COL27A1: variants seen among roughly 807,000 people sequenced by gnomAD.
COL27A1 encodes collagen alpha-1(XXVII) chain.
COL27A1 carries 106 observed loss-of-function variants against 251.3 expected under a neutral mutation model. The ratio of observed to expected loss-of-function variants is 0.42; its 90% confidence interval spans 0.36 to 0.50. The LOEUF is 0.50. COL27A1 is among the 20% of genes least tolerant of loss of function. The probability of loss-of-function intolerance (pLI) is 0.00; values close to 1 mark genes in which losing one functional copy is unlikely to be tolerated. For missense variants in COL27A1, 2,325 were observed against 2,522.8 expected (o/e 0.92, Z 1.68); for synonymous variants, 1,000 against 986.3 (o/e 1.01, Z -0.26).
At chr9:114,232,007 C>T in intron 16 of COL27A1, 141 bp downstream of exon 16, 2 of 807,826 alleles carry the variant, frequency 2.5e-6, no homozygotes, top group Admixed American at 3.9e-5. Context: ...TAAATCTGTG[C>T]TCCCTAGCTT....
At chr9:114,280,492 C>T (rs1282028460) in intron 37 of COL27A1, among the ~76,000 whole-genome samples, 4 of 152,176 alleles carry the variant, frequency 2.6e-5, no homozygotes, top group South Asian at 2.1e-4. Flanking sequence ...CATGAGCCAC[C>T]GTGTCCAGCC....
chr9:114,194,418 C>T lies in COL27A1; in HGVS notation c.2031C>T (p.Asp677=), dbSNP rs375942807. 1.7e-4 allele frequency: 273 copies of T among 1,612,874 alleles called. No homozygotes were observed. Among genetic ancestry groups the T allele is most frequent in the Non-Finnish European group, 2.3e-4 (267 of 1,179,574 alleles). Residue 677 remains aspartate (D), a synonymous_variant, in exon 6 of 61, where the codon GAC becomes GAT. Transcript: ENST00000356083. The part of the protein sequence containing the change: ...GPPGAKGQKG[D]PGLSPGKAHD... ...TTTTGTTTCAGGGACAGAAAGGGGA[C>T]CCAGGGCTCTCACCAGGAAAGGCCC...
At chr9:114,234,370 C>CTTAG (rs1354974445) in intron 16 of COL27A1, among the ~76,000 whole-genome samples, 1 of 152,044 alleles carries the variant, frequency 6.6e-6, no homozygotes, top group Non-Finnish European at 1.5e-5. Flanking sequence ...AGGTCATGGC[C>CTTAG]TTAGCCATGT....
chr9:114,160,401 T>C (rs2808791), intron 1 of COL27A1, among the ~76,000 whole-genome samples: 84,445 of 151,400 alleles, frequency 0.56, 23,734 homozygotes, highest in Admixed American at 0.63. Flanking sequence ...ATGATCCGCC[T>C]GCCTCGGCCT....
Position 114,168,368 on chromosome 9 carries a change from C to G in COL27A1, c.813C>G (p.Asn271Lys). The G allele has an allele frequency of 6.2e-7, 1 of 1,613,456 alleles. No individual in the cohort carries two copies. The highest frequency in any genetic ancestry group is 8.5e-7 in the Non-Finnish European group (1 of 1,179,992). The change falls in exon 3 of 61, where the codon AAC becomes AAG. Residue 271 changes from asparagine to lysine, a missense_variant. Transcript: ENST00000356083. ...QSDLALLGLENLTTATPALGS... is the reference protein window; with the variant it reads ...QSDLALLGLEKLTTATPALGS... ...ACCTCGCCCTGCTAGGCCTGGAGAA[C>G]TTGACCACTGCCACACCAGCCCTGG...
intron 13 of COL27A1, among the ~76,000 whole-genome samples, chr9:114,221,789 C>G (rs1215576863): frequency 6.6e-6 from 1 of 152,206 alleles, no homozygotes; most frequent in Admixed American, 6.5e-5. Flanking sequence ...GGGAAGGAGG[C>G]TGGCTTAGAG....
Position 114,178,338 on chromosome 9 carries a change from G to C in COL27A1, c.1956G>C (p.Gly652=). Residue 652 remains glycine (G), a synonymous_variant, in exon 4 of 61, where the codon GGG becomes GGC. Transcript: ENST00000356083. ...TACCTGGAATCCCTGGTGCACGTGG[G>C]CCTCGGGTGAGTTATCTCACACTGT... ...PGLPGIPGAR[G]PRGPPGPYGN... 1 of 1,613,944 alleles carries C rather than the reference G, an allele frequency of 6.2e-7. No homozygotes were observed. Among genetic ancestry groups the C allele is most frequent in the South Asian group, 1.1e-5 (1 of 91,056 alleles).
chr9:114,168,787 C>G lies in COL27A1; in HGVS notation c.1232C>G (p.Ser411Cys). The G allele has an allele frequency of 6.2e-7, 1 of 1,614,092 alleles. No homozygotes were observed. The highest frequency in any genetic ancestry group is 8.5e-7 in the Non-Finnish European group (1 of 1,180,042). The change falls in exon 3 of 61, where the codon TCC becomes TGC. Residue 411 changes from serine (S) to cysteine (C), a missense_variant. Ser to Cys is a moderately radical substitution (Grantham distance 112). This residue lies in a region of COL27A1 where 1,183 missense variants were observed against 1,144.1 expected (regional missense o/e 1.03). Coordinates refer to ENST00000356083, the MANE Select transcript of COL27A1 (RefSeq NM_032888.4). ...ACTCAGAAGCAAGTGCCACCTACTTCCCGTCCAGTTCCTGCCAGAGTCTCC... is the reference window on the plus strand; with the variant it reads ...ACTCAGAAGCAAGTGCCACCTACTTGCCGTCCAGTTCCTGCCAGAGTCTCC... ...LPTQKQVPPT[S>C]RPVPARVSRP...
At chr9:114,216,088 C>T (rs1004673420) in intron 12 of COL27A1, among the ~76,000 whole-genome samples, 1 of 152,326 alleles carries the variant, frequency 6.6e-6, no homozygotes, top group Admixed American at 6.5e-5. Flanking sequence ...TGGCGAGGAC[C>T]GTCCCTGTCC....
Position 114,206,109 on chromosome 9 carries a change from T to A in COL27A1, c.2224-143T>A, listed in dbSNP as rs1016257067. ...CCCTGGGATCCTAGGGCTGTGGGGG[T>A]CAGGCCAAAGATCGCTGATCTAACC... On this transcript the variant is annotated intron_variant, in intron 9 of 60. Coordinates refer to ENST00000356083, the MANE Select transcript of COL27A1 (RefSeq NM_032888.4). The A allele has an allele frequency of 9.8e-6, 8 of 814,936 alleles. No individual in the cohort carries two copies. The Admixed American group carries it at 1.7e-4, about 17-fold the overall frequency. The allele number at this position is 814,936 out of a possible 1,614,324, so 50.5% of individuals were successfully genotyped here.
Position 114,290,395 on chromosome 9 carries a change from C to G in COL27A1, c.4368+64C>G. On this transcript the variant is annotated intron_variant, in intron 47 of 60. Transcript: ENST00000356083. The surrounding 1 kb of genome is among the most constrained non-coding windows in gnomAD (Gnocchi z 4.6). ...TGGGACCAGGTGTAGGGGAACTTCC[C>G]CAGGCCATGGGCCAGAGGAGCCCGT... 7.2e-7 allele frequency: 1 copy of G among 1,398,460 alleles called. No homozygotes were observed. Among genetic ancestry groups the G allele is most frequent in the Non-Finnish European group, 9.9e-7 (1 of 1,008,688 alleles). The allele number at this position is 1,398,460 out of a possible 1,614,324, so 86.6% of individuals were successfully genotyped here.
At chr9:114,211,990 C>T (rs1037696044) in intron 12 of COL27A1, among the ~76,000 whole-genome samples, 2 of 152,170 alleles carry the variant, frequency 1.3e-5, no homozygotes, top group Admixed American at 6.5e-5. Context: ...CTGGAGCATT[C>T]GAGAGTGCTC....
In COL27A1 at chr9:114,310,688, T is replaced by TCCTCTGA. The variant is rs1829387123; in HGVS notation, c.*5_*11dup. On this transcript the variant is annotated stop_gained and frameshift_variant, in exon 61 of 61. Transcript: ENST00000356083. LOFTEE classifies it high-confidence loss of function. ...CGCCTGGAAGTTGGACCTGCGTGCT[T>TCCTCTGA]CCTCTGACCTCTGACCTCGTGGCCA... 1 of 1,614,112 alleles carries TCCTCTGA rather than the reference T, an allele frequency of 6.2e-7. No homozygotes were observed. The highest frequency in any genetic ancestry group is 1.3e-5 in the African/African-American group (1 of 75,024).
chr9:114,179,816 C>T (rs1827750412), intron 4 of COL27A1, among the ~76,000 whole-genome samples: 1 of 151,124 alleles, frequency 6.6e-6, no homozygotes, highest in African/African-American at 2.4e-5. Context: ...GGCAGTCTGC[C>T]TCCAGAGCCT....
At position 114,169,447 on chromosome 9, in the gene COL27A1, G is replaced by A; in HGVS notation, c.1892G>A (p.Gly631Glu). 1 of 1,541,644 alleles carries A rather than the reference G, an allele frequency of 6.5e-7. No homozygotes were observed. ...PLLMGPPGPK[G>E]DCGLPGPPGL... Reference sequence around the variant, plus strand: ...CTGATGGGGCCTCCGGGACCCAAGGGAGACTGTGGCTTGCCGGTAAGACTG... The same window carrying A: ...CTGATGGGGCCTCCGGGACCCAAGGAAGACTGTGGCTTGCCGGTAAGACTG... Residue 631 changes from glycine (G) to glutamate (E), a missense_variant, in exon 3 of 61, where the codon GGA becomes GAA. Gly to Glu is a moderately conservative substitution (Grantham distance 98). Around this residue, in one of 4 missense-constraint regions of COL27A1, gnomAD observed 1,183 missense variants for 1,144.1 expected, o/e 1.03. Coordinates refer to ENST00000356083, the MANE Select transcript of COL27A1 (RefSeq NM_032888.4).
At chr9:114,192,609 C>T (rs1828821754) in intron 5 of COL27A1, among the ~76,000 whole-genome samples, 1 of 152,104 alleles carries the variant, frequency 6.6e-6, no homozygotes, top group Non-Finnish European at 1.5e-5. Context: ...CAGACCTAGC[C>T]TGGGGACAGA....
At chr9:114,217,599 A>C (rs568032586) in intron 12 of COL27A1, among the ~76,000 whole-genome samples, 1 of 152,386 alleles carries the variant, frequency 6.6e-6, no homozygotes, top group African/African-American at 2.4e-5. Context: ...AAGGTCAGAC[A>C]GCCAGCCTAG....
intron 48 of COL27A1, among the ~76,000 whole-genome samples, chr9:114,291,523 C>A (rs183680856): frequency 1.3e-5 from 2 of 152,086 alleles, no homozygotes; most frequent in Non-Finnish European, 2.9e-5. Flanking sequence ...CTGAGGCTGG[C>A]GAATCACTTG....
At chr9:114,292,302 C>T in intron 49 of COL27A1, 92 bp downstream of exon 49, 2 of 1,000,926 alleles carry the variant, frequency 2.0e-6, no homozygotes, top group Middle Eastern at 3.0e-4. Flanking sequence ...CACACTCATA[C>T]ACACACACAA....
Sources: gnomAD v4.1 joint callset for allele counts (sites outside exome capture counted in the v4.1 genomes callset) on GRCh38, gnomAD v4.1.1 for gene constraint, gnomAD v4.1.1 regional missense constraint, Gnocchi (gnomAD v3.1) non-coding constraint, MANE v1.5 for transcripts, NCBI Gene and HGNC (gene_info 2026-07-23, HGNC 2026-07-21) for gene names.